ANKRD13A: variants seen among roughly 807,000 people sequenced by gnomAD.
ANKRD13A encodes the protein ankyrin repeat domain 13A.
Under a neutral mutation model 81.3 loss-of-function variants are expected in ANKRD13A, and 48 were observed. The ratio of observed to expected loss-of-function variants is 0.59; its 90% CI spans 0.47 to 0.75. ANKRD13A has a LOEUF of 0.75. Among genes scored for constraint, ANKRD13A ranks in the 30% least tolerant of loss-of-function variants. The pLI is 0.00. For missense variants in ANKRD13A, 612 were observed against 734.0 expected (o/e 0.83, Z 1.92); for synonymous variants, 230 against 270.1 (o/e 0.85, Z 1.45).
At chr12:110,010,597 G>A (rs1325438023) in intron 1 of ANKRD13A, among the ~76,000 whole-genome samples, 2 of 152,212 alleles carry the variant, frequency 1.3e-5, no homozygotes, top group African/African-American at 4.8e-5. Flanking sequence ...CATGGGAGGT[G>A]TGTGGACTGG....
chr12:110,003,683 G>C (rs767037810), intron 1 of ANKRD13A, among the ~76,000 whole-genome samples: 4 of 152,216 alleles, frequency 2.6e-5, no homozygotes, highest in Non-Finnish European at 4.4e-5. Flanking sequence ...CCTGAGGCTA[G>C]TGGGCAAGCT....
rs775362594 is a variant in ANKRD13A, at chr12:110,029,617, G to A, written c.1216G>A (p.Gly406Arg). 1 of 1,613,392 alleles carries A rather than the reference G, an allele frequency of 6.2e-7. No homozygotes were observed. Among genetic ancestry groups the A allele is most frequent in the Non-Finnish European group, 8.5e-7 (1 of 1,179,360 alleles). Reference protein sequence around the residue: ...RDFIKLEFPPGFPVKIEIPLF... With the variant: ...RDFIKLEFPPRFPVKIEIPLF... ...TTTCATCAAATTGGAATTCCCACCT[G>A]GATTTCCTGTCAAAATAGGTACTGC... The change falls in exon 11 of 15, where the codon GGA becomes AGA. Residue 406 changes from glycine (G) to arginine (R), a missense_variant. By Grantham distance (125) the Gly-to-Arg change is moderately radical (BLOSUM62 -2). Transcript: ENST00000261739.
intron 6 of ANKRD13A, chr12:110,023,594 C>G (rs1891176407): frequency 6.2e-6 from 1 of 161,608 alleles, no homozygotes; most frequent in Non-Finnish European, 1.4e-5. Context: ...CCTCATTGTT[C>G]TAAGAATTCC....
At chr12:110,001,899 A>G (rs186369744) in intron 1 of ANKRD13A, among the ~76,000 whole-genome samples, 2 of 152,292 alleles carry the variant, frequency 1.3e-5, no homozygotes, top group East Asian at 3.9e-4. Context: ...ATTACTAGAC[A>G]TGGTACAGAG....
chr12:110,019,000 T>A lies in ANKRD13A; in HGVS notation c.545-139T>A, dbSNP rs1890935580. On this transcript the variant is annotated intron_variant, in intron 5 of 14. Transcript: ENST00000261739. The surrounding 1 kb of genome is among the most constrained non-coding windows in gnomAD (Gnocchi z 4.4). ...AATCCCTGTGCAAATAGGTAGTCGATAATCAGTACACTGTAGGTTTTACCA... is the reference window on the plus strand; with the variant it reads ...AATCCCTGTGCAAATAGGTAGTCGAAAATCAGTACACTGTAGGTTTTACCA... The A allele has an allele frequency of 1.2e-6, 1 of 817,214 alleles. No homozygotes were observed. The highest frequency in any genetic ancestry group is 1.7e-5 in the African/African-American group (1 of 57,612). The allele number at this position is 817,214 out of a possible 1,614,324, so 50.6% of individuals were successfully genotyped here.
At chr12:110,019,699 G>C (rs1019747693) in intron 6 of ANKRD13A, among the ~76,000 whole-genome samples, 2 of 152,218 alleles carry the variant, frequency 1.3e-5, no homozygotes, top group African/African-American at 4.8e-5. Flanking sequence ...CTGGAGGTTA[G>C]AATTGACCCA....
chr12:110,036,044 A>G lies in ANKRD13A; in HGVS notation c.1510-217A>G, dbSNP rs1892026409. ...AGACTGATTTTGTACAAAGGATGAG[A>G]AGGTTGTGGCTGTGAGTTAGGCTGT... On this transcript the variant is annotated intron_variant, in intron 13 of 14. Coordinates refer to ENST00000261739, the MANE Select transcript of ANKRD13A (RefSeq NM_033121.2). The surrounding 1 kb of genome is among the most constrained non-coding windows in gnomAD (Gnocchi z 4.6). 6.6e-6 allele frequency among the ~76,000 whole-genome samples: 1 copy of G among 152,090 alleles called. No individual in the cohort carries two copies. Among genetic ancestry groups the G allele is most frequent in the African/African-American group, 2.4e-5 (1 of 41,402 alleles).
intron 8 of ANKRD13A, 36 bp downstream of exon 8, chr12:110,025,859 G>C (rs767227188): frequency 6.3e-7 from 1 of 1,583,340 alleles, no homozygotes; most frequent in East Asian, 2.2e-5. Flanking sequence ...CTGTTTTGTT[G>C]TTATTTTTTA....
In ANKRD13A at chr12:110,031,680, A is replaced by G. The variant is rs1477610447; in HGVS notation, c.1348+922A>G. 4.6e-5 allele frequency among the ~76,000 whole-genome samples: 7 copies of G among 152,320 alleles called. No individual in the cohort carries two copies. The East Asian group carries it at 1.2e-3, about 25-fold the overall frequency. On this transcript the variant is annotated intron_variant, in intron 12 of 14. Transcript: ENST00000261739. ...TGTATGCATCTGTGTAACCACCACC[A>G]TAGTCAAGGTAGACAGCATTTCCAT...
At chr12:110,027,953 A>AT (rs1245914385) in intron 9 of ANKRD13A, 187 bp downstream of exon 9, 2 of 594,502 alleles carry the variant, frequency 3.4e-6, no homozygotes, top group Admixed American at 3.0e-5. Context: ...ATAAATAAGG[A>AT]TTTTAGAGGA....
intron 1 of ANKRD13A, among the ~76,000 whole-genome samples, chr12:110,006,923 T>C (rs1890271744): frequency 6.6e-6 from 1 of 152,210 alleles, no homozygotes; most frequent in Non-Finnish European, 1.5e-5. Context: ...CATGTAGATA[T>C]GCAGTTGTTC....
intron 2 of ANKRD13A, among the ~76,000 whole-genome samples, chr12:110,012,382 AT>A: frequency 6.6e-6 from 1 of 152,286 alleles, no homozygotes; most frequent in African/African-American, 2.4e-5. Context: ...AAGGTCATTC[AT>A]TTTAGTTTCT....
At chr12:110,013,328 G>A (rs1199884670) in intron 3 of ANKRD13A, 79 bp downstream of exon 3, 22 of 1,559,600 alleles carry the variant, frequency 1.4e-5, no homozygotes, top group Non-Finnish European at 1.8e-5. Flanking sequence ...TGACATCCTT[G>A]TGTGCCTTCC....
intron 1 of ANKRD13A, among the ~76,000 whole-genome samples, chr12:110,003,136 T>G (rs1372232398): frequency 2.0e-5 from 3 of 152,192 alleles, no homozygotes; most frequent in Non-Finnish European, 4.4e-5. Context: ...ACATGAACAC[T>G]TAAGGGGACA....
chr12:110,015,056 G>A (rs555510868), intron 3 of ANKRD13A, among the ~76,000 whole-genome samples: 140 of 152,166 alleles, frequency 9.2e-4, no homozygotes, highest in African/African-American at 3.3e-3. Flanking sequence ...GATTACAGGC[G>A]TGAGCCAGTG....
Position 110,033,917 on chromosome 12 carries a change from T to C in ANKRD13A, c.1469T>C (p.Phe490Ser). The change falls in exon 13 of 15, where the codon TTT becomes TCT. Residue 490 changes from phenylalanine (F) to serine (S), a missense_variant. Physicochemically the swap from Phe to Ser is radical, Grantham distance 155. Coordinates refer to ENST00000261739, the MANE Select transcript of ANKRD13A (RefSeq NM_033121.2). ...GATGAAGATTACGAGATAATGCAGT[T>C]TGCCATCCAGCAAAGTCTGCTGGAG... ...LQDEDYEIMQ[F>S]AIQQSLLESS... is the part of the protein sequence containing the mutation. The C allele has an allele frequency of 6.2e-7, 1 of 1,611,980 alleles. No homozygotes were observed. Among genetic ancestry groups the C allele is most frequent in the South Asian group, 1.1e-5 (1 of 90,684 alleles).
chr12:110,024,192 C>A, intron 7 of ANKRD13A, 80 bp downstream of exon 7: 1 of 1,272,194 alleles, frequency 7.9e-7, no homozygotes, highest in South Asian at 1.4e-5. Flanking sequence ...CCATTTTTTT[C>A]ATGCATCTGT....
chr12:110,033,427 C>A (rs893402182), intron 12 of ANKRD13A, among the ~76,000 whole-genome samples: 2 of 151,982 alleles, frequency 1.3e-5, no homozygotes, highest in African/African-American at 4.8e-5. Flanking sequence ...TAATTATTAT[C>A]ATTTTTAAGT....
At chr12:110,025,944 A>C in intron 8 of ANKRD13A, 121 bp downstream of exon 8, 1 of 766,460 alleles carries the variant, frequency 1.3e-6, no homozygotes, top group Non-Finnish European at 2.0e-6. Context: ...GCCTAACCCT[A>C]ACTTCTTCTC....
Sources: allele counts gnomAD v4.1 joint callset (sites outside exome capture counted in the v4.1 genomes callset), GRCh38; gene constraint gnomAD v4.1.1; non-coding constraint Gnocchi (gnomAD v3.1); transcripts MANE v1.5; gene names NCBI Gene and HGNC (gene_info 2026-07-23, HGNC 2026-07-21).